DGKI: variants seen among roughly 807,000 people sequenced by gnomAD.
DGKI encodes diacylglycerol kinase iota, also known as DAG kinase iota.
In DGKI, 55 loss-of-function variants were observed where a neutral mutation model predicts 147.5. The ratio of observed to expected loss-of-function variants is 0.37; its 90% CI spans 0.30 to 0.47. DGKI has a LOEUF of 0.47. DGKI is among the 20% of genes least tolerant of loss of function. The pLI is 1.00. For missense variants in DGKI, 1,007 were observed against 1,323.8 expected (o/e 0.76, Z 3.71); for synonymous variants, 469 against 477.1 (o/e 0.98, Z 0.22).
intron 1 of DGKI, among the ~76,000 whole-genome samples, chr7:137,703,261 G>C (rs1047541295): frequency 3.3e-5 from 5 of 152,198 alleles, no homozygotes; most frequent in Admixed American, 3.3e-4. Flanking sequence ...CAGATCTCAT[G>C]AGAACTCACT....
intron 10 of DGKI, among the ~76,000 whole-genome samples, chr7:137,605,181 G>T (rs956875651): frequency 1.3e-5 from 2 of 151,928 alleles, no homozygotes; most frequent in Non-Finnish European, 2.9e-5. Context: ...GGTGACACAT[G>T]CCTGTAATCC....
chr7:137,530,370 G>A (rs1418816470), intron 20 of DGKI, among the ~76,000 whole-genome samples: 9 of 152,024 alleles, frequency 5.9e-5, no homozygotes, highest in Admixed American at 6.6e-5. Context: ...TTTCAAATAC[G>A]TATGCTTCTT....
chr7:137,769,129 A>G (rs2116841033), intron 1 of DGKI, among the ~76,000 whole-genome samples: 1 of 152,358 alleles, frequency 6.6e-6, no homozygotes, highest in East Asian at 1.9e-4. Flanking sequence ...GAGCCCTACT[A>G]CATGATAATA....
At chr7:137,423,501 A>G (rs1422163673) in intron 28 of DGKI, among the ~76,000 whole-genome samples, 1 of 152,238 alleles carries the variant, frequency 6.6e-6, no homozygotes, top group Non-Finnish European at 1.5e-5. Flanking sequence ...ACCAAACATC[A>G]AGACTGTTTG....
chr7:137,620,114 G>T (rs1476337046), intron 7 of DGKI, among the ~76,000 whole-genome samples, 174 bp from the exon 8 acceptor site: 1 of 151,394 alleles, frequency 6.6e-6, no homozygotes, highest in African/African-American at 2.4e-5. Flanking sequence ...ACACACTGAG[G>T]ACTGAGGACA....
intron 6 of DGKI, among the ~76,000 whole-genome samples, chr7:137,629,233 AAAG>A (rs1472046050): frequency 6.6e-6 from 1 of 152,236 alleles, no homozygotes; most frequent in African/African-American, 2.4e-5. Context: ...TGAAAAAAAA[AAAG>A]TACTTTTATG....
chr7:137,469,020 AC>A (rs548838662), intron 24 of DGKI, among the ~76,000 whole-genome samples: 29 of 152,192 alleles, frequency 1.9e-4, no homozygotes, highest in Non-Finnish European at 3.8e-4. Flanking sequence ...AGATAAAAAA[AC>A]GGACTCATTA....
At chr7:137,610,994 T>C (rs1023571875) in intron 8 of DGKI, among the ~76,000 whole-genome samples, 1 of 152,164 alleles carries the variant, frequency 6.6e-6, no homozygotes, top group South Asian at 2.1e-4. Flanking sequence ...TCATGGGTGC[T>C]CTAGACCCCA....
intron 19 of DGKI, among the ~76,000 whole-genome samples, chr7:137,553,704 A>C (rs1818128520): frequency 6.6e-6 from 1 of 152,182 alleles, no homozygotes; most frequent in African/African-American, 2.4e-5. Context: ...TCGAGACCAA[A>C]GTTTGGAAAA....
intron 1 of DGKI, among the ~76,000 whole-genome samples, chr7:137,708,941 T>C (rs1167333708): frequency 6.6e-6 from 1 of 152,096 alleles, no homozygotes; most frequent in Admixed American, 6.5e-5. Context: ...CAGTAAAGGT[T>C]TTGAAAAAGG....
rs530709502 is a variant in DGKI at position 137,425,306 on chromosome 7, T to C, written c.2762-13099A>G. ...GCAAACAGGGTCTGGAGTGGACCTC[T>C]AGCAAACTCCAACAGACCTGCAGCT... On this transcript the variant is annotated intron_variant, in intron 28 of 32. Coordinates refer to ENST00000614521, the MANE Select transcript of DGKI (RefSeq NM_001321708.2). Among the ~76,000 whole-genome samples, 471 of 152,284 alleles carry C rather than the reference T, an allele frequency of 3.1e-3. 2 individuals are homozygous for C. Among genetic ancestry groups the C allele is most frequent in the African/African-American group, 0.01 (429 of 41,556 alleles).
At chr7:137,758,154 C>T (rs1795744817) in intron 1 of DGKI, among the ~76,000 whole-genome samples, 1 of 152,222 alleles carries the variant, frequency 6.6e-6, no homozygotes, top group Non-Finnish European at 1.5e-5. Context: ...TTTACTACCT[C>T]CTCCTCAATC....
At chr7:137,693,979 T>C (rs1335544784) in intron 1 of DGKI, among the ~76,000 whole-genome samples, 2 of 152,240 alleles carry the variant, frequency 1.3e-5, no homozygotes, top group Non-Finnish European at 2.9e-5. Context: ...ATTTTTACAA[T>C]GTGTTTAATG....
At chr7:137,803,212 T>G (rs1797267343) in intron 1 of DGKI, among the ~76,000 whole-genome samples, 1 of 152,028 alleles carries the variant, frequency 6.6e-6, no homozygotes, top group Non-Finnish European at 1.5e-5. Flanking sequence ...ACAAGGAAAT[T>G]CAGGACACAG....
intron 28 of DGKI, among the ~76,000 whole-genome samples, chr7:137,443,155 G>A (rs960734656): frequency 5.9e-5 from 9 of 152,120 alleles, no homozygotes; most frequent in Non-Finnish European, 1.3e-4. Context: ...AATAAGCAGT[G>A]GAGGAAGACA....
intron 1 of DGKI, among the ~76,000 whole-genome samples, chr7:137,831,229 C>T (rs1474061431): frequency 3.9e-5 from 6 of 152,142 alleles, no homozygotes; most frequent in African/African-American, 1.2e-4. Context: ...TTTTTTAAAC[C>T]ACCTAGTTAA....
At chr7:137,477,271 G>A (rs2128931828) in intron 23 of DGKI, among the ~76,000 whole-genome samples, 1 of 152,292 alleles carries the variant, frequency 6.6e-6, no homozygotes, top group South Asian at 2.1e-4. Context: ...CTACAACCAT[G>A]TGAAGAAAAA....
At chr7:137,462,031 G>A (rs1814463834) in intron 27 of DGKI, among the ~76,000 whole-genome samples, 1 of 151,968 alleles carries the variant, frequency 6.6e-6, no homozygotes, top group Non-Finnish European at 1.5e-5. Flanking sequence ...ACATCAGTAT[G>A]TTATATATAG....
At chr7:137,529,940 G>A (rs1817283881) in intron 20 of DGKI, among the ~76,000 whole-genome samples, 1 of 152,076 alleles carries the variant, frequency 6.6e-6, no homozygotes, top group East Asian at 1.9e-4. Flanking sequence ...CTAGAGATGG[G>A]GTTTCACCAT....
Sources: allele counts gnomAD v4.1 joint callset (sites outside exome capture counted in the v4.1 genomes callset), GRCh38; gene constraint gnomAD v4.1.1; transcripts MANE v1.5; gene names NCBI Gene and HGNC (gene_info 2026-07-23, HGNC 2026-07-21).